Variants in NTNG2 observed in about 807,000 individuals in gnomAD.
NTNG2 encodes the protein netrin-G2.
A neutral mutation model predicts 47.6 loss-of-function variants in NTNG2; 15 were observed. The observed-to-expected ratio is 0.32, with a 90% CI of 0.21 to 0.49. The LOEUF (loss-of-function observed/expected upper bound fraction) is 0.49, where lower values mean the gene tolerates loss of function less well. Ranked by LOEUF, NTNG2 falls within the 20% of genes least tolerant of loss-of-function variation. NTNG2 has a pLI of 0.99. For synonymous variants in NTNG2, 307 were observed against 324.6 expected (o/e 0.95, Z 0.58); for missense variants, 578 against 764.6 (o/e 0.76, Z 2.88).
intron 2 of NTNG2, among the ~76,000 whole-genome samples, chr9:132,187,912 C>A (rs1837528780): frequency 6.6e-6 from 1 of 152,232 alleles, no homozygotes; most frequent in South Asian, 2.1e-4. Flanking sequence ...ACAGCCCACT[C>A]CTGCCCGGTC....
At chr9:132,171,446 A>G (rs1325203274) in intron 2 of NTNG2, among the ~76,000 whole-genome samples, 1 of 152,168 alleles carries the variant, frequency 6.6e-6, no homozygotes, top group Non-Finnish European at 1.5e-5. Flanking sequence ...TAAGCTTGAC[A>G]TTTCTACATT....
chr9:132,162,114 C>T lies in NTNG2; in HGVS notation c.-609C>T. 6.6e-6 allele frequency: 1 copy of T among 150,578 alleles called. No homozygotes were observed. 9.3% of individuals were successfully genotyped at this position (150,578 alleles called of 1,614,324 possible). A position where few individuals can be genotyped will look rare whatever the true frequency, so the allele number is the denominator to read the frequency against. ...CGGCGGGAGCGGCGCGGGGAAGGAG[C>T]AGCGGCTCGCAGCCCTCGGCCCGCG... On this transcript the variant is annotated 5_prime_UTR_variant, in exon 1 of 8. Transcript: ENST00000393229. The surrounding 1 kb of genome is among the most constrained non-coding windows in gnomAD (Gnocchi z 4.6).
intron 3 of NTNG2, among the ~76,000 whole-genome samples, chr9:132,220,753 C>T (rs991944261): frequency 3.3e-5 from 5 of 152,130 alleles, no homozygotes; most frequent in South Asian, 2.1e-4. Flanking sequence ...TGGCTCCCTA[C>T]GTTTCCATCT....
intron 2 of NTNG2, among the ~76,000 whole-genome samples, chr9:132,185,357 G>A (rs1043009655): frequency 2.6e-5 from 4 of 152,170 alleles, no homozygotes; most frequent in African/African-American, 9.7e-5. Flanking sequence ...GAGGGGATCC[G>A]AGGAGAGGCA....
rs1842094313 is a variant in NTNG2 at position 132,243,371 on chromosome 9, T to G, written c.*1260T>G. 6.6e-6 allele frequency: 1 copy of G among 152,214 alleles called. No individual in the cohort carries two copies. 9.4% of individuals were successfully genotyped at this position (152,214 alleles called of 1,614,324 possible). A position where few individuals can be genotyped will look rare whatever the true frequency, so the allele number is the denominator to read the frequency against. On this transcript the variant is annotated 3_prime_UTR_variant, in exon 8 of 8. Transcript: ENST00000393229. The stretch of plus-strand genomic sequence containing the variant: ...GACCCCAGACGTGCCGGCCCTGTCC[T>G]CCCTACCTTCTCAAGATTAGGAAGG...
chr9:132,173,623 G>T (rs771790422), intron 2 of NTNG2, among the ~76,000 whole-genome samples: 2 of 152,020 alleles, frequency 1.3e-5, no homozygotes, highest in Admixed American at 1.3e-4. Context: ...TCCCACCTGC[G>T]ATGGGGCAGG....
At chr9:132,167,095 C>G in intron 2 of NTNG2, 51 bp downstream of exon 2, 1 of 1,590,688 alleles carries the variant, frequency 6.3e-7, no homozygotes, top group Non-Finnish European at 8.6e-7. Flanking sequence ...GGGAGGAGGT[C>G]TGGAGGAGAT....
rs763967313 is a variant in NTNG2, at chr9:132,227,033, GC to G, written c.1030+16del. The G allele has an allele frequency of 1.3e-6, 2 of 1,582,102 alleles. No homozygotes were observed. Among genetic ancestry groups the G allele is most frequent in the Admixed American group, 1.7e-5 (1 of 57,586 alleles). ...CTCTCCCAACGCCTGTACGTGCCAT[GC>G]CCCGGGGCCACGAGCCCACATGGCT... On this transcript the variant is annotated intron_variant, in intron 4 of 7. Coordinates refer to ENST00000393229, the MANE Select transcript of NTNG2 (RefSeq NM_032536.4).
intron 4 of NTNG2, among the ~76,000 whole-genome samples, chr9:132,227,992 C>G (rs1840911690): frequency 1.3e-5 from 2 of 152,202 alleles, no homozygotes; most frequent in Non-Finnish European, 2.9e-5. Flanking sequence ...TCACACAGCC[C>G]CGCAGGGTGG....
chr9:132,234,953 C>T (rs957418623), intron 5 of NTNG2, among the ~76,000 whole-genome samples: 19 of 152,268 alleles, frequency 1.2e-4, no homozygotes, highest in African/African-American at 4.6e-4. Context: ...GCAGCGCTCC[C>T]CTGTCCCTCT....
chr9:132,186,821 G>A (rs1837423446), intron 2 of NTNG2, among the ~76,000 whole-genome samples: 1 of 152,268 alleles, frequency 6.6e-6, no homozygotes, highest in East Asian at 1.9e-4. Flanking sequence ...ACTGCAGAGG[G>A]TCCTCGCTCA....
In NTNG2 at chr9:132,197,878, C is replaced by G; in HGVS notation, c.214-88C>G. The G allele has an allele frequency of 7.6e-7, 1 of 1,308,624 alleles. No individual in the cohort carries two copies. Among genetic ancestry groups the G allele is most frequent in the Non-Finnish European group, 1.0e-6 (1 of 961,510 alleles). 81.1% of individuals were successfully genotyped at this position (1,308,624 alleles called of 1,614,324 possible). ...TAGCCACAGAGCAGGTTTCTCGGTT[C>G]GCAGGCAGGGGCTAGGCCGCGCAGA... is the stretch of plus-strand genomic sequence containing the variant. On this transcript the variant is annotated intron_variant, in intron 2 of 7. Coordinates refer to ENST00000393229, the MANE Select transcript of NTNG2 (RefSeq NM_032536.4). This position sits in a 1 kb window ranked among gnomAD's most constrained non-coding sequence, Gnocchi z 4.3.
chr9:132,165,844 T>G (rs970011307), intron 1 of NTNG2, among the ~76,000 whole-genome samples: 2 of 152,232 alleles, frequency 1.3e-5, no homozygotes, highest in Non-Finnish European at 2.9e-5. Context: ...TCTCCAAATG[T>G]GCAACTCTGA....
In NTNG2 at chr9:132,221,058, G is replaced by A. The variant is rs1054639918; in HGVS notation, c.858-5791G>A. On this transcript the variant is annotated intron_variant, in intron 3 of 7. Transcript: ENST00000393229. The surrounding 1 kb of genome is among the most constrained non-coding windows in gnomAD (Gnocchi z 4.2). ...TGCGCCCATCTCCCCCAGTCATCTC[G>A]TACATCCCACTTTGGGAGCCAGTGC... 6.6e-6 allele frequency among the ~76,000 whole-genome samples: 1 copy of A among 152,070 alleles called. No individual in the cohort carries two copies. The highest frequency in any genetic ancestry group is 1.9e-4 in the East Asian group (1 of 5,186).
At chr9:132,176,214 T>C (rs1836441923) in intron 2 of NTNG2, among the ~76,000 whole-genome samples, 1 of 152,022 alleles carries the variant, frequency 6.6e-6, no homozygotes, top group Non-Finnish European at 1.5e-5. Flanking sequence ...GTGTCTAACA[T>C]AAAACTTGCC....
At position 132,166,643 on chromosome 9, in the gene NTNG2, C is replaced by T. The variant is rs548758100; in HGVS notation, c.-189C>T. The T allele has an allele frequency of 2.6e-5, 16 of 604,306 alleles. No individual in the cohort carries two copies. Among genetic ancestry groups the T allele is most frequent in the East Asian group, 5.5e-5 (2 of 36,136 alleles). The allele number at this position is 604,306 out of a possible 1,614,324, so 37.4% of individuals were successfully genotyped here. A position where few individuals can be genotyped will look rare whatever the true frequency, so the allele number is the denominator to read the frequency against. On this transcript the variant is annotated 5_prime_UTR_variant, in exon 2 of 8. Transcript: ENST00000393229. ...TGAGAAACGCTGGCTCTGAATTTTCCGTGTCGGCCTTTTGGAAACAACAAG... is the reference window on the plus strand; with the variant it reads ...TGAGAAACGCTGGCTCTGAATTTTCTGTGTCGGCCTTTTGGAAACAACAAG...
At chr9:132,205,390 C>T (rs1017824851) in intron 3 of NTNG2, among the ~76,000 whole-genome samples, 6 of 152,144 alleles carry the variant, frequency 3.9e-5, no homozygotes, top group Admixed American at 6.6e-5. Flanking sequence ...TCTGCTTACC[C>T]GACGTCCCCA....
chr9:132,167,774 C>T (rs1372890522), intron 2 of NTNG2, among the ~76,000 whole-genome samples: 1 of 152,186 alleles, frequency 6.6e-6, no homozygotes, highest in Non-Finnish European at 1.5e-5. Context: ...ATGTTAACAG[C>T]AACAACAACA....
At position 132,189,068 on chromosome 9, in the gene NTNG2, CTTTT is replaced by C. The variant is rs749756559; in HGVS notation, c.214-8874_214-8871del. Among the ~76,000 whole-genome samples the C allele has an allele frequency of 2.8e-4, 26 of 93,280 alleles. 2 individuals are homozygous for C. Among genetic ancestry groups the C allele is most frequent in the African/African-American group, 7.3e-4 (16 of 21,986 alleles). 61.2% of individuals were successfully genotyped at this position (93,280 alleles called of 152,430 possible). A position where few individuals can be genotyped will look rare whatever the true frequency, so the allele number is the denominator to read the frequency against. ...TATGTGAAAAAGGCTTTAAGCCTTT[CTTTT>C]TTTTTTTTTTTTTTTTTTTTTTTAG... is the stretch of plus-strand genomic sequence containing the variant. On this transcript the variant is annotated intron_variant, in intron 2 of 7. Transcript: ENST00000393229.
Sources: gnomAD v4.1 joint callset for allele counts (sites outside exome capture counted in the v4.1 genomes callset) on GRCh38, gnomAD v4.1.1 for gene constraint, Gnocchi (gnomAD v3.1) non-coding constraint, MANE v1.5 for transcripts, NCBI Gene and HGNC (gene_info 2026-07-23, HGNC 2026-07-21) for gene names.